The following NELL1 variants were observed in gnomAD, a reference collection of about 807,000 sequenced individuals.
The protein encoded by NELL1 is neural EGFL like 1.
NELL1 carries 76 observed loss-of-function variants against 107.4 expected under a neutral mutation model. The observed-to-expected ratio is 0.71, with a 90% confidence interval of 0.59 to 0.86. The LOEUF (loss-of-function observed/expected upper bound fraction) is 0.86, where lower values mean the gene tolerates loss of function less well. Among genes scored for constraint, NELL1 ranks in the 40% least tolerant of loss-of-function variants. NELL1 has a pLI of 0.00. For missense variants in NELL1, 1,024 were observed against 1,005.5 expected, an observed-to-expected ratio of 1.02 and a Z score of -0.25; for synonymous variants, 353 against 341.2, an observed-to-expected ratio of 1.03 and a Z score of -0.38.
At chr11:21,055,959 A>C (rs549100306) in intron 12 of NELL1, among the ~76,000 whole-genome samples, 9 of 152,308 alleles carry the variant, frequency 5.9e-5, no homozygotes, top group African/African-American at 1.9e-4. Flanking sequence ...GGAGTATTAT[A>C]ATATCTAGGT....
chr11:21,068,652 C>T (rs1036167061), intron 12 of NELL1, among the ~76,000 whole-genome samples: 18 of 152,148 alleles, frequency 1.2e-4, no homozygotes, highest in Admixed American at 3.3e-4. Context: ...AGCCAGTGGG[C>T]GGGGCTGCTG....
In NELL1 at chr11:20,786,035, A is replaced by AT. The variant is rs34120722; in HGVS notation, c.335+2223dup. Among the ~76,000 whole-genome samples the AT allele has an allele frequency of 1.4e-4, 20 of 144,128 alleles. 1 individual carries two copies. Among genetic ancestry groups the AT allele is most frequent in the Admixed American group, 3.5e-4 (5 of 14,484 alleles). 94.6% of individuals were successfully genotyped at this position (144,128 alleles called of 152,430 possible). A position where few individuals can be genotyped will look rare whatever the true frequency, so the allele number is the denominator to read the frequency against. The stretch of plus-strand genomic sequence containing the variant: ...TTCATTGTAATAGAAAAACTTCAGA[A>AT]TTTTTTTTTTTTTTTTTTGAGAAAG... On this transcript the variant is annotated intron_variant, in intron 3 of 19. Coordinates refer to ENST00000357134, the MANE Select transcript of NELL1 (RefSeq NM_006157.5).
At chr11:21,112,545 T>G (rs1416213100) in intron 12 of NELL1, among the ~76,000 whole-genome samples, 1 of 152,038 alleles carries the variant, frequency 6.6e-6, no homozygotes, top group Non-Finnish European at 1.5e-5. Context: ...CAGGATGACT[T>G]TATGCCAGAT....
At chr11:21,312,810 G>C (rs1353305999) in intron 14 of NELL1, among the ~76,000 whole-genome samples, 1 of 151,964 alleles carries the variant, frequency 6.6e-6, no homozygotes, top group Non-Finnish European at 1.5e-5. Flanking sequence ...AAAATATGAA[G>C]TATGGCACTG....
At chr11:21,553,637 G>T (rs1291777091) in intron 16 of NELL1, among the ~76,000 whole-genome samples, 1 of 151,696 alleles carries the variant, frequency 6.6e-6, no homozygotes, top group Non-Finnish European at 1.5e-5. Flanking sequence ...AAAAGCAAGG[G>T]TTCTTTTTCA....
intron 12 of NELL1, among the ~76,000 whole-genome samples, chr11:20,972,417 G>T (rs1851520190): frequency 6.6e-6 from 1 of 152,108 alleles, no homozygotes; most frequent in African/African-American, 2.4e-5. Context: ...CCAGTCAAGA[G>T]GGGGTGGGTT....
At chr11:21,335,458 TGTCAATAATAA>T (rs1850369138) in intron 14 of NELL1, among the ~76,000 whole-genome samples, 1 of 152,066 alleles carries the variant, frequency 6.6e-6, no homozygotes, top group African/African-American at 2.4e-5. Context: ...ATCAAGGAAT[TGTCAATAATAA>T]TCGTGTGGCT....
At chr11:21,413,779 C>A (rs1162394133) in intron 15 of NELL1, among the ~76,000 whole-genome samples, 1 of 152,058 alleles carries the variant, frequency 6.6e-6, no homozygotes, top group Non-Finnish European at 1.5e-5. Flanking sequence ...GAGGGTATGG[C>A]AAGATCTCAA....
At chr11:20,775,289 A>G (rs1208949212) in intron 2 of NELL1, among the ~76,000 whole-genome samples, 1 of 152,150 alleles carries the variant, frequency 6.6e-6, no homozygotes, top group East Asian at 1.9e-4. Context: ...TGCTGTATGT[A>G]CTATTGTATA....
At chr11:21,086,696 A>T (rs1207915709) in intron 12 of NELL1, among the ~76,000 whole-genome samples, 1 of 152,208 alleles carries the variant, frequency 6.6e-6, no homozygotes, top group Admixed American at 6.5e-5. Flanking sequence ...ACCCTAAAAT[A>T]GGTTCTAACT....
intron 14 of NELL1, among the ~76,000 whole-genome samples, chr11:21,277,188 A>C (rs1380365262): frequency 6.6e-6 from 1 of 152,180 alleles, no homozygotes; most frequent in Non-Finnish European, 1.5e-5. Flanking sequence ...CAATGAACTC[A>C]AACAAATCTA....
chr11:21,430,974 G>C (rs1852950222), intron 15 of NELL1, among the ~76,000 whole-genome samples: 1 of 151,976 alleles, frequency 6.6e-6, no homozygotes, highest in Non-Finnish European at 1.5e-5. Context: ...TTTAAAACAA[G>C]CAAATGATTA....
chr11:21,198,943 A>G (rs1030245685), intron 13 of NELL1, among the ~76,000 whole-genome samples: 4 of 152,168 alleles, frequency 2.6e-5, no homozygotes, highest in African/African-American at 9.6e-5. Context: ...ATCTGGGATT[A>G]GAATGGCCTA....
At chr11:20,744,670 G>A (rs182968351) in intron 2 of NELL1, among the ~76,000 whole-genome samples, 1 of 152,352 alleles carries the variant, frequency 6.6e-6, no homozygotes, top group Non-Finnish European at 1.5e-5. Flanking sequence ...TAGCCCAGGA[G>A]GGCAAGCCTA....
chr11:20,712,147 T>A (rs891749036), intron 2 of NELL1, among the ~76,000 whole-genome samples: 3 of 152,114 alleles, frequency 2.0e-5, no homozygotes, highest in South Asian at 2.1e-4. Flanking sequence ...GTTAATTTTT[T>A]AAAAATTATT....
intron 12 of NELL1, among the ~76,000 whole-genome samples, chr11:20,977,960 C>T (rs1222586256): frequency 2.0e-5 from 3 of 152,152 alleles, no homozygotes; most frequent in Non-Finnish European, 4.4e-5. Flanking sequence ...AGAGACTTGC[C>T]TGAGGTCATC....
chr11:21,023,685 G>T (rs1852751403), intron 12 of NELL1, among the ~76,000 whole-genome samples: 1 of 152,008 alleles, frequency 6.6e-6, no homozygotes, highest in South Asian at 2.1e-4. Flanking sequence ...GCAGTGTGCA[G>T]CCCTGCTTGG....
chr11:21,147,836 C>CAAAAAAAAAAAAAAAAAAAAAAAA (rs35688285), intron 13 of NELL1, among the ~76,000 whole-genome samples: 1 of 28,804 alleles, frequency 3.5e-5, no homozygotes, highest in East Asian at 1.6e-3. Flanking sequence ...AACTCCGTCT[C>CAAAAAAAAAAAAAAAAAAAAAAAA]AAAAAAAAAA....
At chr11:21,491,337 C>A (rs182483630) in intron 15 of NELL1, among the ~76,000 whole-genome samples, 3 of 152,082 alleles carry the variant, frequency 2.0e-5, no homozygotes, top group African/African-American at 7.2e-5. Context: ...TTAGGTCTAA[C>A]GTTTAAGTCT....
Sources: allele counts gnomAD v4.1 joint callset (sites outside exome capture counted in the v4.1 genomes callset), GRCh38; gene constraint gnomAD v4.1.1; transcripts MANE v1.5; gene names NCBI Gene and HGNC (gene_info 2026-07-23, HGNC 2026-07-21).